The following FGF12 variants were observed in gnomAD, a reference collection of about 807,000 sequenced individuals.
The protein encoded by FGF12 is fibroblast growth factor 12B.
Under a neutral mutation model 23.6 loss-of-function variants are expected in FGF12, and 14 were observed. The ratio of observed to expected loss-of-function variants is 0.59; its 90% confidence interval spans 0.39 to 0.93. The LOEUF is 0.93. FGF12 is among the 40% of genes least tolerant of loss of function. The pLI, the probability that FGF12 is intolerant of heterozygous loss-of-function variation, is 0.00. For synonymous variants in FGF12, 62 were observed against 77.3 expected, an observed-to-expected ratio of 0.80 and a Z score of 1.04; for missense variants, 175 against 217.8, an observed-to-expected ratio of 0.80 and a Z score of 1.24.
intron 4 of FGF12, among the ~76,000 whole-genome samples, chr3:192,317,258 G>A (rs1341772431): frequency 6.6e-6 from 1 of 151,948 alleles, no homozygotes; most frequent in Non-Finnish European, 1.5e-5. Context: ...CCACAGTGGA[G>A]TACAGCATCA....
chr3:192,438,868 C>T (rs1406935365), intron 2 of FGF12, among the ~76,000 whole-genome samples: 1 of 152,188 alleles, frequency 6.6e-6, no homozygotes, highest in Non-Finnish European at 1.5e-5. Context: ...AGAACTGAAA[C>T]AGAACAGGTT....
At chr3:192,574,570 CAT>C (rs1712792053) in intron 2 of FGF12, among the ~76,000 whole-genome samples, 1 of 152,164 alleles carries the variant, frequency 6.6e-6, no homozygotes, top group Non-Finnish European at 1.5e-5. Flanking sequence ...ACTTCCAAAA[CAT>C]AGGTTATCAT....
chr3:192,459,368 C>T (rs1722783226), intron 2 of FGF12, among the ~76,000 whole-genome samples: 1 of 152,176 alleles, frequency 6.6e-6, no homozygotes, highest in Non-Finnish European at 1.5e-5. Context: ...ACATCTGATT[C>T]TCTTTCATTT....
chr3:192,298,067 A>G (rs1715142449), intron 4 of FGF12, among the ~76,000 whole-genome samples: 4 of 152,218 alleles, frequency 2.6e-5, no homozygotes, highest in Admixed American at 2.6e-4. Context: ...TGTATACCCG[A>G]GACTGAACAC....
intron 2 of FGF12, among the ~76,000 whole-genome samples, chr3:192,642,978 C>G (rs1418360518): frequency 6.6e-6 from 1 of 152,190 alleles, no homozygotes; most frequent in Non-Finnish European, 1.5e-5. Context: ...AGTAAGATCA[C>G]CTATCAATTA....
chr3:192,148,360 G>A (rs1036095941), intron 5 of FGF12, among the ~76,000 whole-genome samples: 1 of 152,130 alleles, frequency 6.6e-6, no homozygotes, highest in African/African-American at 2.4e-5. Context: ...CAGTTACAAG[G>A]AGCCAAATAT....
At chr3:192,634,828 T>A (rs1311621638) in intron 2 of FGF12, among the ~76,000 whole-genome samples, 2 of 152,090 alleles carry the variant, frequency 1.3e-5, no homozygotes, top group Admixed American at 1.3e-4. Flanking sequence ...GAATAACTGA[T>A]TTTAGGTATA....
intron 2 of FGF12, among the ~76,000 whole-genome samples, chr3:192,382,973 C>G (rs1054066194): frequency 1.3e-5 from 2 of 152,152 alleles, no homozygotes; most frequent in African/African-American, 4.8e-5. Context: ...CACGGCCAGT[C>G]AAGAGATGCC....
intron 5 of FGF12, among the ~76,000 whole-genome samples, chr3:192,154,611 C>T (rs1023677488): frequency 2.6e-5 from 4 of 151,190 alleles, no homozygotes; most frequent in African/African-American, 9.7e-5. Context: ...GCGGTGCCTC[C>T]CAGTTAGGCT....
intron 4 of FGF12, among the ~76,000 whole-genome samples, chr3:192,327,427 G>C (rs1716875540): frequency 6.6e-6 from 1 of 151,366 alleles, no homozygotes; most frequent in Non-Finnish European, 1.5e-5. Context: ...AAAAAACTGT[G>C]TTCGCACAAT....
intron 2 of FGF12, among the ~76,000 whole-genome samples, chr3:192,546,802 C>T (rs2108581793): frequency 6.6e-6 from 1 of 152,306 alleles, no homozygotes; most frequent in Admixed American, 6.5e-5. Flanking sequence ...TAATTCTCCA[C>T]ACTTTGGGAG....
intron 2 of FGF12, among the ~76,000 whole-genome samples, chr3:192,556,681 T>C (rs1711789996): frequency 6.6e-6 from 1 of 152,138 alleles, no homozygotes; most frequent in Admixed American, 6.5e-5. Context: ...CTAACAGACA[T>C]GTAAGAAACA....
At chr3:192,611,616 CT>C (rs1685915743) in intron 2 of FGF12, among the ~76,000 whole-genome samples, 1 of 152,090 alleles carries the variant, frequency 6.6e-6, no homozygotes, top group African/African-American at 2.4e-5. Context: ...AACCAAACCA[CT>C]GCCTGGGACC....
At chr3:192,656,280 GACACACACACACAC>G (rs61645270) in intron 2 of FGF12, among the ~76,000 whole-genome samples, 14 of 110,518 alleles carry the variant, frequency 1.3e-4, no homozygotes, top group Admixed American at 1.8e-4. Context: ...AAGGTGAAAA[GACACACACACACAC>G]ACACACACAC....
At chr3:192,210,178 C>T (rs994411482) in intron 4 of FGF12, among the ~76,000 whole-genome samples, 14 of 152,030 alleles carry the variant, frequency 9.2e-5, no homozygotes, top group Admixed American at 3.3e-4. Context: ...GTCTAGACAG[C>T]GGCACAGAAA....
chr3:192,684,535 T>C (rs897681233), intron 2 of FGF12, among the ~76,000 whole-genome samples: 9 of 152,090 alleles, frequency 5.9e-5, no homozygotes, highest in Non-Finnish European at 1.3e-4. Context: ...GTAGAATTGA[T>C]CCCTGCAGAA....
intron 3 of FGF12, among the ~76,000 whole-genome samples, chr3:192,359,026 C>A (rs541820568): frequency 1.3e-5 from 2 of 152,006 alleles, no homozygotes; most frequent in African/African-American, 4.8e-5. Flanking sequence ...CAGTTACAGA[C>A]GCAATAAATG....
intron 4 of FGF12, among the ~76,000 whole-genome samples, chr3:192,226,054 A>C (rs1577253368): frequency 1.3e-5 from 2 of 152,282 alleles, no homozygotes; most frequent in East Asian, 3.9e-4. Flanking sequence ...AACCTTCTGA[A>C]TATGTTAAAA....
At chr3:192,533,368 T>A (rs1257069347) in intron 2 of FGF12, among the ~76,000 whole-genome samples, 2 of 152,178 alleles carry the variant, frequency 1.3e-5, no homozygotes, top group African/African-American at 4.8e-5. Flanking sequence ...TTTTTTAAAG[T>A]AATACAGTTA....
Sources: gnomAD v4.1 joint callset for allele counts (sites outside exome capture counted in the v4.1 genomes callset) on GRCh38, gnomAD v4.1.1 for gene constraint, MANE v1.5 for transcripts, NCBI Gene and HGNC (gene_info 2026-07-23, HGNC 2026-07-21) for gene names.